GBE1: variants seen among roughly 807,000 people sequenced by gnomAD.
GBE1 encodes the protein 1,4-alpha-glucan branching enzyme 1, also known as 1,4-alpha-glucan-branching enzyme.
In GBE1, 70 loss-of-function variants were observed where a neutral mutation model predicts 88.8. The observed-to-expected ratio is 0.79, with a 90% CI of 0.65 to 0.96. The LOEUF is 0.96. Among genes scored for constraint, GBE1 ranks in the 40% least tolerant of loss-of-function variants. The pLI is 0.00. For missense variants in GBE1, 872 were observed against 871.0 expected, an observed-to-expected ratio of 1.00 and a Z score of -0.01; for synonymous variants, 284 against 300.1, an observed-to-expected ratio of 0.95 and a Z score of 0.56.
chr3:81,731,140 G>A (rs766590435), intron 1 of GBE1, among the ~76,000 whole-genome samples: 1 of 152,054 alleles, frequency 6.6e-6, no homozygotes, highest in African/African-American at 2.4e-5. Context: ...TTTCTGCCCT[G>A]GGAACCCAAC....
intron 1 of GBE1, among the ~76,000 whole-genome samples, chr3:81,715,026 AT>A (rs1705922590): frequency 6.6e-6 from 1 of 152,174 alleles, no homozygotes; most frequent in African/African-American, 2.4e-5. Flanking sequence ...TTCAACATTT[AT>A]GGTCTGAGTG....
chr3:81,520,330 A>C (rs1702856225), intron 14 of GBE1, among the ~76,000 whole-genome samples: 1 of 151,560 alleles, frequency 6.6e-6, no homozygotes, highest in Non-Finnish European at 1.5e-5. Context: ...CAACGTTTCA[A>C]ACTTTTTCAT....
chr3:81,558,594 A>G (rs1703379202), intron 12 of GBE1, among the ~76,000 whole-genome samples: 1 of 152,198 alleles, frequency 6.6e-6, no homozygotes, highest in East Asian at 1.9e-4. Context: ...AAAACAAGAT[A>G]GCAGTTATGA....
At chr3:81,582,606 T>C (rs555198724) in intron 10 of GBE1, among the ~76,000 whole-genome samples, 2 of 152,128 alleles carry the variant, frequency 1.3e-5, no homozygotes, top group African/African-American at 4.8e-5. Context: ...AGACTAATTT[T>C]TGATAAAAGG....
intron 7 of GBE1, among the ~76,000 whole-genome samples, chr3:81,608,109 T>C (rs1383281542): frequency 6.6e-6 from 1 of 152,194 alleles, no homozygotes; most frequent in Non-Finnish European, 1.5e-5. Flanking sequence ...CTGAAACTGA[T>C]GTTCTCTTTG....
At position 81,632,590 on chromosome 3, in the gene GBE1, G is replaced by A. The variant is rs375042473; in HGVS notation, c.992+10191C>T. Among the ~76,000 whole-genome samples, 24 of 152,214 alleles carry A rather than the reference G, an allele frequency of 1.6e-4. No homozygotes were observed. In the East Asian group the frequency reaches 1.7e-3, roughly 11 times the overall value. ...TGGGAGGATGTGGAGAAATAGGAAC[G>A]CTTTTACACTGTTGGTGGGGGTGTA... On this transcript the variant is annotated intron_variant, in intron 7 of 15. Coordinates refer to ENST00000429644, the MANE Select transcript of GBE1 (RefSeq NM_000158.4).
chr3:81,710,630 T>C (rs1465041811), intron 1 of GBE1, among the ~76,000 whole-genome samples: 2 of 152,068 alleles, frequency 1.3e-5, no homozygotes, highest in East Asian at 1.9e-4. Flanking sequence ...GGGAACCTCA[T>C]AGATTGTAAG....
chr3:81,716,096 A>T (rs1559697219), intron 1 of GBE1, among the ~76,000 whole-genome samples: 1 of 152,162 alleles, frequency 6.6e-6, no homozygotes, highest in Non-Finnish European at 1.5e-5. Context: ...ATGCATTGTG[A>T]CCAATCTAAT....
chr3:81,565,218 C>T (rs1703475642), intron 12 of GBE1, among the ~76,000 whole-genome samples: 1 of 152,162 alleles, frequency 6.6e-6, no homozygotes, highest in Non-Finnish European at 1.5e-5. Flanking sequence ...CAGTTTTTCA[C>T]AGCTCAGTTT....
At chr3:81,591,254 T>A in intron 8 of GBE1, 90 bp from the exon 9 acceptor site, 1 of 1,033,994 alleles carries the variant, frequency 9.7e-7, no homozygotes, top group Non-Finnish European at 1.4e-6. Flanking sequence ...TTTGTTTATA[T>A]GAATTTTGTT....
At chr3:81,572,860 T>G (rs754014059) in intron 12 of GBE1, among the ~76,000 whole-genome samples, 2 of 152,138 alleles carry the variant, frequency 1.3e-5, no homozygotes. Flanking sequence ...TTTGCCTGCC[T>G]AAACCAGCAT....
intron 7 of GBE1, among the ~76,000 whole-genome samples, chr3:81,625,576 TGC>T (rs1704402058): frequency 6.6e-6 from 1 of 152,078 alleles, no homozygotes; most frequent in Non-Finnish European, 1.5e-5. Context: ...TATCAAAGAC[TGC>T]AGGCATGCAC....
chr3:81,525,791 T>C (rs1289848654), intron 14 of GBE1, among the ~76,000 whole-genome samples: 1 of 152,100 alleles, frequency 6.6e-6, no homozygotes, highest in African/African-American at 2.4e-5. Flanking sequence ...ATTTATCCAT[T>C]TCTTCTAGAT....
At chr3:81,536,889 G>C in intron 13 of GBE1, 22 bp downstream of exon 13, 1 of 1,551,602 alleles carries the variant, frequency 6.4e-7, no homozygotes, top group Non-Finnish European at 8.7e-7. Context: ...CTAAAACACA[G>C]CATCCAGAGT....
intron 1 of GBE1, among the ~76,000 whole-genome samples, chr3:81,757,187 A>G (rs1285793190): frequency 6.6e-6 from 1 of 152,230 alleles, no homozygotes; most frequent in Non-Finnish European, 1.5e-5. Context: ...GTACCTTTAC[A>G]GAATGGTCCC....
At chr3:81,659,772 T>A (rs910367427) in intron 3 of GBE1, among the ~76,000 whole-genome samples, 1 of 152,164 alleles carries the variant, frequency 6.6e-6, no homozygotes, top group Admixed American at 6.5e-5. Context: ...ACAGAATACA[T>A]AATTCTAAAA....
intron 12 of GBE1, among the ~76,000 whole-genome samples, chr3:81,541,496 C>G (rs1260300530): frequency 6.8e-6 from 1 of 146,364 alleles, no homozygotes; most frequent in Non-Finnish European, 1.5e-5. Flanking sequence ...AATATTAACT[C>G]TTAATGTGGT....
intron 1 of GBE1, among the ~76,000 whole-genome samples, chr3:81,751,088 C>G (rs770747203): frequency 4.6e-5 from 7 of 152,014 alleles, no homozygotes; most frequent in Non-Finnish European, 8.8e-5. Flanking sequence ...AGTGAAAAGT[C>G]TCTGTATACC....
At position 81,578,009 on chromosome 3, in the gene GBE1, C is replaced by G. The variant is rs776806910; in HGVS notation, c.1534G>C (p.Val512Leu). ...TGAAGCTGTATTCCACGATCAATAA[C>G]TGGAGTAAAAGGAGTCAGGACACTC... Reference protein sequence around the residue: ...NMSVLTPFTPVIDRGIQLHKM... With the variant: ...NMSVLTPFTPLIDRGIQLHKM... The change falls in exon 12 of 16, where the codon GTT becomes CTT. Residue 512 changes from valine (V) to leucine (L), a missense_variant. Transcript: ENST00000429644. 10 of 1,609,336 alleles carry G rather than the reference C, an allele frequency of 6.2e-6. No homozygotes were observed. Among genetic ancestry groups the G allele is most frequent in the Non-Finnish European group, 8.5e-6 (10 of 1,178,106 alleles).
Sources: gnomAD v4.1 joint callset for allele counts (sites outside exome capture counted in the v4.1 genomes callset) on GRCh38, gnomAD v4.1.1 for gene constraint, MANE v1.5 for transcripts, NCBI Gene and HGNC (gene_info 2026-07-23, HGNC 2026-07-21) for gene names.